DIAPH2: variants seen among roughly 807,000 people sequenced by gnomAD.
DIAPH2 encodes the protein protein diaphanous homolog 2.
In DIAPH2, 35 loss-of-function variants were observed where a neutral mutation model predicts 92.7. The ratio of observed to expected loss-of-function variants is 0.38; its 90% CI spans 0.29 to 0.50. The LOEUF (loss-of-function observed/expected upper bound fraction) is 0.50, where lower values mean the gene tolerates loss of function less well. Ranked by LOEUF, DIAPH2 falls within the 20% of genes least tolerant of loss-of-function variation. DIAPH2 has a pLI of 0.94. For missense variants in DIAPH2, 701 were observed against 819.5 expected, an observed-to-expected ratio of 0.86 and a Z score of 1.77; for synonymous variants, 301 against 280.4, an observed-to-expected ratio of 1.07 and a Z score of -0.73.
In DIAPH2 at chrX:97,438,339, T is replaced by G. The variant is rs1296956959; in HGVS notation, c.3241+8594T>G. Among the ~76,000 whole-genome samples the G allele has an allele frequency of 2.0e-4, 7 of 34,796 alleles. No homozygotes were observed. In the East Asian group the frequency reaches 4.3e-3, roughly 21 times the overall value. 30.2% of individuals were successfully genotyped at this position (34,796 alleles called of 115,157 possible). Reference sequence around the variant, plus strand: ...TTGAGGGCCAAGAGGCAGCTTCTTGTTTTTTTTTTTTGTTTGTTTGTTTTT... The same window carrying G: ...TTGAGGGCCAAGAGGCAGCTTCTTGGTTTTTTTTTTTGTTTGTTTGTTTTT... On this transcript the variant is annotated intron_variant, in intron 26 of 26. Coordinates refer to ENST00000324765, the MANE Select transcript of DIAPH2 (RefSeq NM_006729.5).
In DIAPH2 at chrX:97,185,451, G is replaced by GTATATATATATGTATATATA. The variant is rs1569323278; in HGVS notation, c.2719+43658_2719+43659insATATATATATGTATATATAT. 1.7e-3 allele frequency among the ~76,000 whole-genome samples: 37 copies of GTATATATATATGTATATATA among 21,593 alleles called. 5 individuals are homozygous for GTATATATATATGTATATATA. Among genetic ancestry groups the GTATATATATATGTATATATA allele is most frequent in the Admixed American group, 2.5e-3 (4 of 1,570 alleles). 18.8% of individuals were successfully genotyped at this position (21,593 alleles called of 115,157 possible). A position where few individuals can be genotyped will look rare whatever the true frequency, so the allele number is the denominator to read the frequency against. Reference sequence around the variant, plus strand: ...TATATATATGTGTATATATATATGTGTGTGTATATATATATATATACACAT... The same window carrying GTATATATATATGTATATATA: ...TATATATATGTGTATATATATATGTGTATATATATATGTATATATATGTGTATATATATATATATACACAT... On this transcript the variant is annotated intron_variant, in intron 22 of 26. Transcript: ENST00000324765.
chrX:97,063,081 T>C (rs1456746255), intron 17 of DIAPH2, among the ~76,000 whole-genome samples: 1 of 107,877 alleles, frequency 9.3e-6, no homozygotes, highest in African/African-American at 3.3e-5. Flanking sequence ...AGGTCCTCCC[T>C]ATCTTACTCT....
At chrX:97,579,246 C>A (rs747044580) in intron 26 of DIAPH2, among the ~76,000 whole-genome samples, 1 of 110,245 alleles carries the variant, frequency 9.1e-6, no homozygotes, top group Non-Finnish European at 1.9e-5. Context: ...AGTCCTTGCC[C>A]ATGCCTATGT....
intron 1 of DIAPH2, among the ~76,000 whole-genome samples, chrX:96,717,580 A>G (rs778897392): frequency 2.0e-5 from 2 of 101,886 alleles, no homozygotes; most frequent in Non-Finnish European, 4.0e-5. Flanking sequence ...TGATATTAAT[A>G]CAGCCACTCT....
chrX:97,078,986 G>A (rs1174830339), intron 19 of DIAPH2, among the ~76,000 whole-genome samples: 3 of 111,110 alleles, frequency 2.7e-5, no homozygotes, highest in Non-Finnish European at 5.7e-5. Flanking sequence ...TAGCTTGGTG[G>A]TGGTCATATT....
intron 22 of DIAPH2, among the ~76,000 whole-genome samples, chrX:97,152,563 G>A (rs1222241019): frequency 8.9e-6 from 1 of 111,942 alleles, no homozygotes; most frequent in Non-Finnish European, 1.9e-5. Flanking sequence ...CCTAGCAAGT[G>A]CCTTCTTGCT....
chrX:97,536,713 T>G (rs772431857), intron 26 of DIAPH2, among the ~76,000 whole-genome samples: 48 of 111,864 alleles, frequency 4.3e-4, no homozygotes, highest in Non-Finnish European at 4.3e-4. Context: ...TGTTTAAATA[T>G]TGGATTGAAA....
chrX:96,960,016 A>G (rs374837608), intron 16 of DIAPH2, among the ~76,000 whole-genome samples: 2 of 111,336 alleles, frequency 1.8e-5, no homozygotes, highest in African/African-American at 6.5e-5. Flanking sequence ...TTTGACTACT[A>G]TAGCCTTGTA....
intron 22 of DIAPH2, among the ~76,000 whole-genome samples, chrX:97,202,715 C>G (rs768240912): frequency 9.0e-6 from 1 of 111,458 alleles, no homozygotes; most frequent in South Asian, 3.8e-4. Context: ...GAAACTTAGA[C>G]TCACACACAA....
chrX:97,079,049 C>T (rs1245167218), intron 19 of DIAPH2, among the ~76,000 whole-genome samples: 1 of 111,274 alleles, frequency 9.0e-6, no homozygotes, highest in Non-Finnish European at 1.9e-5. Context: ...ACGCTCTCTA[C>T]CTCTCACTTT....
chrX:97,520,020 G>T (rs1454218962), intron 26 of DIAPH2, among the ~76,000 whole-genome samples: 5 of 111,665 alleles, frequency 4.5e-5, no homozygotes, highest in Admixed American at 2.8e-4. Flanking sequence ...CCCTTAAACT[G>T]TTTTTGTTCT....
intron 26 of DIAPH2, among the ~76,000 whole-genome samples, chrX:97,579,651 G>A (rs1326629088): frequency 1.8e-5 from 2 of 110,501 alleles, no homozygotes; most frequent in Non-Finnish European, 3.8e-5. Flanking sequence ...GGCGATGCGG[G>A]CTCTTTTTTG....
chrX:96,998,082 G>GGTT (rs1431136779), intron 17 of DIAPH2, among the ~76,000 whole-genome samples: 1 of 111,879 alleles, frequency 8.9e-6, no homozygotes, highest in African/African-American at 3.2e-5. Context: ...ATTTTATAGA[G>GGTT]GCAGCAAATG....
chrX:97,020,488 G>A (rs776835543), intron 17 of DIAPH2, among the ~76,000 whole-genome samples: 2 of 111,794 alleles, frequency 1.8e-5, no homozygotes, highest in Admixed American at 9.5e-5. Context: ...TTTCAAATAC[G>A]TATGTATTTA....
At chrX:97,170,868 ATTAT>A (rs1170181815) in intron 22 of DIAPH2, among the ~76,000 whole-genome samples, 18 of 110,860 alleles carry the variant, frequency 1.6e-4, no homozygotes, top group South Asian at 3.8e-4. Flanking sequence ...TTTTTAAAAA[ATTAT>A]TTATTTATTT....
intron 5 of DIAPH2, among the ~76,000 whole-genome samples, chrX:96,887,918 C>T (rs1286393164): frequency 9.1e-6 from 1 of 110,453 alleles, no homozygotes; most frequent in Non-Finnish European, 1.9e-5. Flanking sequence ...TATTATCTCC[C>T]AAGTACTGTT....
intron 5 of DIAPH2, among the ~76,000 whole-genome samples, chrX:96,887,598 TATA>T (rs1322398682): frequency 1.8e-5 from 2 of 112,040 alleles, no homozygotes; most frequent in African/African-American, 3.2e-5. Context: ...TCAAGGCCAA[TATA>T]ATAATCTTAC....
At chrX:96,839,304 G>A (rs1204064123) in intron 4 of DIAPH2, among the ~76,000 whole-genome samples, 2 of 110,500 alleles carry the variant, frequency 1.8e-5, no homozygotes, top group South Asian at 3.8e-4. Flanking sequence ...CCCCCATTGC[G>A]CTTAAATGTT....
intron 4 of DIAPH2, among the ~76,000 whole-genome samples, chrX:96,767,936 G>A (rs915398275): frequency 8.9e-6 from 1 of 112,123 alleles, no homozygotes; most frequent in Non-Finnish European, 1.9e-5. Context: ...ATATCTTTCT[G>A]GTAGATCTCT....
Sources: gnomAD v4.1 joint callset for allele counts (sites outside exome capture counted in the v4.1 genomes callset) on GRCh38, gnomAD v4.1.1 for gene constraint, MANE v1.5 for transcripts, NCBI Gene and HGNC (gene_info 2026-07-23, HGNC 2026-07-21) for gene names.